The following TRAF3 variants were observed in gnomAD, a reference collection of about 807,000 sequenced individuals.
TRAF3 encodes the protein TNF receptor associated factor 3.
TRAF3 carries 13 observed loss-of-function variants against 62.3 expected under a neutral mutation model. The ratio of observed to expected loss-of-function variants is 0.21; its 90% CI spans 0.14 to 0.33. The LOEUF (loss-of-function observed/expected upper bound fraction) is 0.33. TRAF3 is among the 10% of genes least tolerant of loss of function. The probability of loss-of-function intolerance (pLI) is 1.00; values close to 1 mark genes in which losing one functional copy is unlikely to be tolerated. For missense variants in TRAF3, 440 were observed against 741.8 expected (o/e 0.59, Z 4.73); for synonymous variants, 269 against 283.4 (o/e 0.95, Z 0.51).
rs940565373 is a variant in TRAF3 at position 102,806,945 on chromosome 14, C to G, written c.-156-23389C>G. Among the ~76,000 whole-genome samples the G allele has an allele frequency of 3.9e-5, 6 of 152,162 alleles. No individual in the cohort carries two copies. The East Asian group carries it at 1.2e-3, about 29-fold the overall frequency. On this transcript the variant is annotated intron_variant, in intron 1 of 11. Coordinates refer to ENST00000392745, the MANE Select transcript of TRAF3 (RefSeq NM_145725.3). ...GCTCTTGATTCCTCCCTACCCCCAT[C>G]CAGATGCTAGAAGACTGGGGAGCAT...
At chr14:102,837,142 G>GT (rs1213983653) in intron 2 of TRAF3, among the ~76,000 whole-genome samples, 17 of 131,036 alleles carry the variant, frequency 1.3e-4, no homozygotes, top group South Asian at 2.5e-4. Flanking sequence ...GTGTGTGTGT[G>GT]TTTTTTTTGG....
chr14:102,879,720 AATCT>A (rs1888937165), intron 6 of TRAF3, among the ~76,000 whole-genome samples: 2 of 151,764 alleles, frequency 1.3e-5, no homozygotes, highest in African/African-American at 4.8e-5. Context: ...AATACTTTAT[AATCT>A]CTGAATTTGC....
intron 10 of TRAF3, among the ~76,000 whole-genome samples, chr14:102,901,940 C>T (rs888873005): frequency 2.6e-5 from 4 of 152,218 alleles, no homozygotes; most frequent in Admixed American, 6.5e-5. Context: ...GCATTGAGCA[C>T]TGAACTCTCC....
rs151246348 is a variant in TRAF3, at chr14:102,796,109, T to C, written c.-157+18434T>C. Among the ~76,000 whole-genome samples the C allele has an allele frequency of 5.4e-3, 815 of 152,172 alleles. 6 individuals are homozygous for C. Among genetic ancestry groups the C allele is most frequent in the Admixed American group, 9.8e-3 (150 of 15,280 alleles). On this transcript the variant is annotated intron_variant, in intron 1 of 11. Coordinates refer to ENST00000392745, the MANE Select transcript of TRAF3 (RefSeq NM_145725.3). Reference sequence around the variant, plus strand: ...TCGGGTGCCTGTAATCCCAGCTACTTGGGAGGCTGAGGCAGGAGAATTGCT... The same window carrying C: ...TCGGGTGCCTGTAATCCCAGCTACTCGGGAGGCTGAGGCAGGAGAATTGCT...
chr14:102,811,550 GTTTTTTTTT>G (rs35064640), intron 1 of TRAF3, among the ~76,000 whole-genome samples: 1 of 79,488 alleles, frequency 1.3e-5, no homozygotes, highest in Non-Finnish European at 2.3e-5. Context: ...GCTGTAGGCG[GTTTTTTTTT>G]TTTTTTTTTT....
At chr14:102,808,802 T>C (rs1439771892) in intron 1 of TRAF3, among the ~76,000 whole-genome samples, 1 of 152,048 alleles carries the variant, frequency 6.6e-6, no homozygotes, top group Non-Finnish European at 1.5e-5. Flanking sequence ...TTGATTGTCT[T>C]GAGCATGGTG....
intron 1 of TRAF3, among the ~76,000 whole-genome samples, chr14:102,820,259 G>A (rs553546277): frequency 6.6e-6 from 1 of 152,140 alleles, no homozygotes; most frequent in South Asian, 2.1e-4. Context: ...TGGATCGCCT[G>A]GATCCTGCCC....
chr14:102,841,546 A>G (rs1886375160), intron 2 of TRAF3, among the ~76,000 whole-genome samples: 2 of 152,262 alleles, frequency 1.3e-5, no homozygotes, highest in Non-Finnish European at 1.5e-5. Context: ...CTGCCTTAGC[A>G]GTGGGGCTGA....
rs554178468 is a variant in TRAF3, at chr14:102,907,690, C to G, written c.*1906C>G. The G allele has an allele frequency of 6.6e-6, 1 of 152,460 alleles. No individual in the cohort carries two copies. The highest frequency in any genetic ancestry group is 2.4e-5 in the African/African-American group (1 of 41,580). The allele number at this position is 152,460 out of a possible 1,614,324, so 9.4% of individuals were successfully genotyped here. A position where few individuals can be genotyped will look rare whatever the true frequency, so the allele number is the denominator to read the frequency against. On this transcript the variant is annotated 3_prime_UTR_variant, in exon 12 of 12. Coordinates refer to ENST00000392745, the MANE Select transcript of TRAF3 (RefSeq NM_145725.3). The stretch of plus-strand genomic sequence containing the variant: ...GCCCACCTGTCTCTGGTGCTGCCAT[C>G]TGTCCTGGGTGTGCCTTCGCCCCAG...
rs527428813 is a variant in TRAF3, at chr14:102,869,793, G to A, written c.-17-392G>A. On this transcript the variant is annotated intron_variant, in intron 2 of 11. Transcript: ENST00000392745. ...TGCACTCCAGCCTGGGCAACAGAGC[G>A]AGACTCCGTCTAAAAAAAAAAAAAA... Among the ~76,000 whole-genome samples the A allele has an allele frequency of 6.0e-5, 9 of 149,058 alleles. No homozygotes were observed. In the South Asian group the frequency reaches 1.1e-3, roughly 18 times the overall value.
At chr14:102,812,501 A>G (rs1266104542) in intron 1 of TRAF3, among the ~76,000 whole-genome samples, 1 of 152,158 alleles carries the variant, frequency 6.6e-6, no homozygotes, top group Non-Finnish European at 1.5e-5. Flanking sequence ...TTTCCTTTGG[A>G]TAAATTCCCA....
chr14:102,805,753 G>A (rs530480986), intron 1 of TRAF3, among the ~76,000 whole-genome samples: 17 of 152,260 alleles, frequency 1.1e-4, no homozygotes, highest in African/African-American at 3.9e-4. Context: ...CAGTCCTTCC[G>A]AAGATTGTCC....
chr14:102,829,956 C>T (rs1459478365), intron 1 of TRAF3, among the ~76,000 whole-genome samples: 1 of 152,086 alleles, frequency 6.6e-6, no homozygotes, highest in Non-Finnish European at 1.5e-5. Flanking sequence ...ATAGCAAGAC[C>T]TCATGTCTAC....
rs1338240308 is a variant in TRAF3, at chr14:102,826,202, G to T, written c.-156-4132G>T. Among the ~76,000 whole-genome samples, 4 of 152,226 alleles carry T rather than the reference G, an allele frequency of 2.6e-5. No homozygotes were observed. The East Asian group carries it at 7.7e-4, about 29-fold the overall frequency. The stretch of plus-strand genomic sequence containing the variant: ...ATGTGGCTGGAGGAGGCTGGTTCCT[G>T]GGTGTAAATCCTGGCTCTTCTGCTT... On this transcript the variant is annotated intron_variant, in intron 1 of 11. Transcript: ENST00000392745. The surrounding 1 kb of genome is among the most constrained non-coding windows in gnomAD (Gnocchi z 4.6).
chr14:102,840,507 T>G (rs1414891635), intron 2 of TRAF3, among the ~76,000 whole-genome samples: 1 of 152,192 alleles, frequency 6.6e-6, no homozygotes, highest in Non-Finnish European at 1.5e-5. Flanking sequence ...CTGAGATTAT[T>G]GGAGTGAGCC....
At chr14:102,876,176 CATGAA>C (rs1888636281) in intron 5 of TRAF3, among the ~76,000 whole-genome samples, 177 bp from the exon 6 acceptor site, 1 of 152,154 alleles carries the variant, frequency 6.6e-6, no homozygotes, top group Admixed American at 6.5e-5. Flanking sequence ...TTTGAGTAAT[CATGAA>C]ATAGAATATG....
intron 3 of TRAF3, 37 bp from the exon 4 acceptor site, chr14:102,871,880 C>T (rs777236295): frequency 1.9e-6 from 3 of 1,605,086 alleles, no homozygotes; most frequent in Admixed American, 1.7e-5. Context: ...AAGAAAGGGA[C>T]TTCCACTCTA....
At chr14:102,859,245 A>G (rs2139771816) in intron 2 of TRAF3, among the ~76,000 whole-genome samples, 1 of 151,442 alleles carries the variant, frequency 6.6e-6, no homozygotes, top group South Asian at 2.1e-4. Context: ...TACCAAAAAC[A>G]CATTTCACTT....
chr14:102,901,166 G>A (rs999664291), intron 10 of TRAF3, among the ~76,000 whole-genome samples: 4 of 152,156 alleles, frequency 2.6e-5, no homozygotes, highest in African/African-American at 9.7e-5. Flanking sequence ...GGCCCCTGCT[G>A]TGTGGGGGAG....
Sources: gnomAD v4.1 joint callset for allele counts (sites outside exome capture counted in the v4.1 genomes callset) on GRCh38, gnomAD v4.1.1 for gene constraint, Gnocchi (gnomAD v3.1) non-coding constraint, MANE v1.5 for transcripts, NCBI Gene and HGNC (gene_info 2026-07-23, HGNC 2026-07-21) for gene names.